The following PDE1A variants were observed in gnomAD, a reference collection of about 807,000 sequenced individuals.
PDE1A encodes phosphodiesterase 1A, also known as dual specificity calcium/calmodulin-dependent 3',5'-cyclic nucleotide phosphodiesterase 1A.
In PDE1A, 35 loss-of-function variants were observed where a neutral mutation model predicts 61.7. The observed-to-expected ratio is 0.57, with a 90% CI of 0.43 to 0.75. PDE1A has a LOEUF of 0.75. Ranked by LOEUF, PDE1A falls within the 30% of genes least tolerant of loss-of-function variation. The pLI, the probability that PDE1A is intolerant of heterozygous loss-of-function variation, is 0.00. For missense variants in PDE1A, 597 were observed against 630.6 expected, an observed-to-expected ratio of 0.95 and a Z score of 0.57; for synonymous variants, 232 against 213.2, an observed-to-expected ratio of 1.09 and a Z score of -0.77.
chr2:182,690,336 C>A, the PDE1A span, among the ~76,000 whole-genome samples: 2 of 152,174 alleles, frequency 1.3e-5, no homozygotes, highest in Non-Finnish European at 2.9e-5. Flanking sequence ...CCACGATGAT[C>A]AAGTGGGCTT....
At chr2:182,510,980 T>A (rs1689744328) in intron 2 of PDE1A, among the ~76,000 whole-genome samples, 1 of 152,152 alleles carries the variant, frequency 6.6e-6, no homozygotes, top group African/African-American at 2.4e-5. Context: ...ATAAGAAAAG[T>A]ACATGAAAAT....
intron 7 of PDE1A, among the ~76,000 whole-genome samples, chr2:182,218,320 G>A (rs1426455573): frequency 1.3e-5 from 2 of 150,106 alleles, no homozygotes; most frequent in Admixed American, 1.3e-4. Context: ...CCTAATGCTA[G>A]ATGACGAGTT....
At chr2:182,586,534 C>T in the PDE1A span, among the ~76,000 whole-genome samples, 3 of 152,176 alleles carry the variant, frequency 2.0e-5, no homozygotes, top group South Asian at 2.1e-4. Flanking sequence ...TTACATGTTA[C>T]ACTGCACATG....
At chr2:182,686,914 A>G in the PDE1A span, among the ~76,000 whole-genome samples, 2 of 150,994 alleles carry the variant, frequency 1.3e-5, no homozygotes, top group Non-Finnish European at 2.9e-5. Context: ...TCCCATGCCC[A>G]TGGAGCCTCG....
intron 1 of PDE1A, among the ~76,000 whole-genome samples, chr2:182,415,125 A>T (rs1375683861): frequency 6.6e-6 from 1 of 152,142 alleles, no homozygotes. Flanking sequence ...TCTGTACCAC[A>T]TAAAATATAT....
chr2:182,241,909 G>T, intron 2 of PDE1A: 1 of 1,532,592 alleles, frequency 6.5e-7, no homozygotes, highest in East Asian at 2.4e-5. Context: ...TTATCTTTTT[G>T]CCCATTTGAA....
At chr2:182,527,347 T>C (rs1248126389), upstream of PDE1A, among the ~76,000 whole-genome samples, 1 of 62,730 alleles carries the variant, frequency 1.6e-5, no homozygotes. Flanking sequence ...TATATATATA[T>C]ATATATATAT....
chr2:182,586,536 C>T, the PDE1A span, among the ~76,000 whole-genome samples: 2 of 152,296 alleles, frequency 1.3e-5, no homozygotes, highest in African/African-American at 4.8e-5. Context: ...ACATGTTACA[C>T]TGCACATGGT....
rs182303731 is a variant in PDE1A, at chr2:182,490,690, A to T, written c.101+31586T>A. Among the ~76,000 whole-genome samples, 6 of 152,264 alleles carry T rather than the reference A, an allele frequency of 3.9e-5. No homozygotes were observed. In the East Asian group the frequency reaches 1.2e-3, roughly 29 times the overall value. On this transcript the variant is annotated intron_variant, in intron 2 of 14. Coordinates refer to the PDE1A transcript ENST00000410103. Reference sequence around the variant, plus strand: ...GCCCAGCCAAGATTTTTATTTTTTTAACCTGAAAATATTATGGTACACTTA... The same window carrying T: ...GCCCAGCCAAGATTTTTATTTTTTTTACCTGAAAATATTATGGTACACTTA...
At chr2:182,346,458 A>G (rs1698524520) in intron 1 of PDE1A, among the ~76,000 whole-genome samples, 1 of 152,194 alleles carries the variant, frequency 6.6e-6, no homozygotes, top group African/African-American at 2.4e-5. Flanking sequence ...GATGAAGACA[A>G]TATTTACTGA....
chr2:182,609,091 T>TCAAAACGGA, the PDE1A span, among the ~76,000 whole-genome samples: 1 of 152,180 alleles, frequency 6.6e-6, no homozygotes, highest in Non-Finnish European at 1.5e-5. Flanking sequence ...CAGCACTCTA[T>TCAAAACGGA]CTAGCTCAAG....
chr2:182,616,196 A>G, the PDE1A span, among the ~76,000 whole-genome samples: 1 of 152,204 alleles, frequency 6.6e-6, no homozygotes, highest in Non-Finnish European at 1.5e-5. Context: ...TACCTCAGTG[A>G]GATGCTGAGG....
chr2:182,269,183 T>A (rs1447511358), intron 1 of PDE1A, among the ~76,000 whole-genome samples: 1 of 152,016 alleles, frequency 6.6e-6, no homozygotes, highest in African/African-American at 2.4e-5. Context: ...ATAAATGAAA[T>A]TTGTAGCTAA....
At chr2:182,233,005 G>A (rs1430340219) in intron 4 of PDE1A, among the ~76,000 whole-genome samples, 1 of 152,054 alleles carries the variant, frequency 6.6e-6, no homozygotes, top group Non-Finnish European at 1.5e-5. Flanking sequence ...TCTTTACTTG[G>A]TGATATTCCC....
chr2:182,634,469 G>C, the PDE1A span, among the ~76,000 whole-genome samples: 3 of 152,154 alleles, frequency 2.0e-5, no homozygotes, highest in Non-Finnish European at 4.4e-5. Flanking sequence ...GCAGACTAAA[G>C]AGCACACAGA....
At chr2:182,477,877 A>G (rs749506274) in intron 2 of PDE1A, among the ~76,000 whole-genome samples, 1 of 151,878 alleles carries the variant, frequency 6.6e-6, no homozygotes, top group Non-Finnish European at 1.5e-5. Context: ...AACATCATTC[A>G]AGTGATGCAC....
chr2:182,167,641 C>G (rs1042507207), downstream of PDE1A, among the ~76,000 whole-genome samples: 1 of 152,076 alleles, frequency 6.6e-6, no homozygotes, highest in African/African-American at 2.4e-5. Context: ...TTGGTACACA[C>G]TGGAGACTGT....
At chr2:182,497,557 T>A (rs902621588) in intron 2 of PDE1A, among the ~76,000 whole-genome samples, 2 of 152,204 alleles carry the variant, frequency 1.3e-5, no homozygotes, top group African/African-American at 4.8e-5. Context: ...AAACTTCTAT[T>A]CTTAATAAGT....
At chr2:182,549,162 A>G in the PDE1A span, among the ~76,000 whole-genome samples, 2 of 152,136 alleles carry the variant, frequency 1.3e-5, no homozygotes, top group Non-Finnish European at 2.9e-5. Context: ...TATGGAGAAA[A>G]TATTTCAAAA....
Sources: allele counts gnomAD v4.1 joint callset (sites outside exome capture counted in the v4.1 genomes callset), GRCh38; gene constraint gnomAD v4.1.1; transcripts MANE v1.5; gene names NCBI Gene and HGNC (gene_info 2026-07-23, HGNC 2026-07-21).